Variants in ADGRG4 observed in about 807,000 individuals in gnomAD.
ADGRG4 encodes the protein adhesion G protein-coupled receptor G4.
Under a neutral mutation model 126.2 loss-of-function variants are expected in ADGRG4, and 122 were observed. The observed-to-expected ratio is 0.97, with a 90% CI of 0.83 to 1.12. ADGRG4 has a LOEUF of 1.12. ADGRG4 is among the 50% of genes most tolerant of loss of function. The pLI, the probability that ADGRG4 is intolerant of heterozygous loss-of-function variation, is 0.00. For synonymous variants in ADGRG4, 943 were observed against 838.7 expected (o/e 1.12, Z -2.15); for missense variants, 2,481 against 2,251.8 (o/e 1.10, Z -2.06).
chrX:136,372,835 C>T, intron 14 of ADGRG4, 67 bp from the exon 15 acceptor site: 1 of 1,069,194 alleles, frequency 9.4e-7, no homozygotes. Flanking sequence ...ATAAGGAAAT[C>T]TTGCAAGGAG....
intron 21 of ADGRG4, among the ~76,000 whole-genome samples, chrX:136,401,892 A>G (rs1329588124): frequency 8.9e-6 from 1 of 111,898 alleles, no homozygotes; most frequent in Non-Finnish European, 1.9e-5. Context: ...GGAGATAGGG[A>G]GGTGAGTAGG....
intron 10 of ADGRG4, 32 bp from the exon 11 acceptor site, chrX:136,359,260 C>T: frequency 8.5e-7 from 1 of 1,171,881 alleles, no homozygotes; most frequent in African/African-American, 1.8e-5. Context: ...GACATAACTG[C>T]AACAATCTTT....
chrX:136,333,354 C>T (rs1214040714), intron 5 of ADGRG4, among the ~76,000 whole-genome samples: 2 of 111,160 alleles, frequency 1.8e-5, no homozygotes, highest in African/African-American at 6.6e-5. Flanking sequence ...GATTTCCTGA[C>T]CTTGTGATCC....
chrX:136,333,390 G>A (rs1244450146), intron 5 of ADGRG4, among the ~76,000 whole-genome samples: 2 of 111,201 alleles, frequency 1.8e-5, no homozygotes, highest in East Asian at 5.6e-4. Context: ...ACAAAGTGCT[G>A]GGATTACAGG....
intron 16 of ADGRG4, among the ~76,000 whole-genome samples, chrX:136,391,692 C>G (rs755010824): frequency 8.9e-6 from 1 of 112,405 alleles, no homozygotes; most frequent in Non-Finnish European, 1.9e-5. Flanking sequence ...TGCCTGGGCT[C>G]TGGCCTCAGA....
Position 136,395,386 on chromosome X carries a change from A to G in ADGRG4, c.8081-4A>G. The G allele has an allele frequency of 2.6e-6, 3 of 1,166,154 alleles. No homozygotes were observed. The highest frequency in any genetic ancestry group is 3.5e-6 in the Non-Finnish European group (3 of 857,301). The stretch of plus-strand genomic sequence containing the variant: ...GCTTTGAAATTTCCTTCTGTCTCCT[A>G]CAGATGGGCTGGGTGGATGGAATTC... On this transcript the variant is annotated splice_region_variant and splice_polypyrimidine_tract_variant and intron_variant, in intron 18 of 25. Transcript: ENST00000394143.
chrX:136,348,516 C>G lies in ADGRG4; in HGVS notation c.4810C>G (p.Gln1604Glu). ...TACCCCCAGGACTACTATGACCATG[C>G]AAACATCTACATTGGATGTCACACC... is the stretch of plus-strand genomic sequence containing the variant. ...SVTPRTTMTM[Q>E]TSTLDVTPVI... Residue 1604 changes from glutamine to glutamate, a missense_variant, in exon 6 of 26, where the codon CAA (glutamine) becomes GAA (glutamate). By Grantham distance (29) the Gln-to-Glu change is conservative (BLOSUM62 2). Transcript: ENST00000394143. 2.5e-6 allele frequency: 3 copies of G among 1,207,633 alleles called. No homozygotes were observed. The highest frequency in any genetic ancestry group is 3.4e-6 in the Non-Finnish European group (3 of 892,202).
rs567340291 is a variant in ADGRG4 at position 136,350,404 on chromosome X, C to T, written c.6698C>T (p.Ser2233Leu). 11 of 1,207,460 alleles carry T rather than the reference C, an allele frequency of 9.1e-6. No individual in the cohort carries two copies. The highest frequency in any genetic ancestry group is 1.8e-5 in the South Asian group (1 of 55,925). The change falls in exon 6 of 26, where the codon TCG becomes TTG. Residue 2233 changes from serine to leucine, a missense_variant. Transcript: ENST00000394143. ...CCTTCCTTTCTATCTACGGAAGCAT[C>T]GACTTCGCCTACTGCCACCAAGTCC... ...STPSFLSTEASTSPTATKSTV... is the reference protein window; with the variant it reads ...STPSFLSTEALTSPTATKSTV...
At chrX:136,314,882 A>G (rs1040399528) in intron 4 of ADGRG4, among the ~76,000 whole-genome samples, 1 of 111,769 alleles carries the variant, frequency 8.9e-6, no homozygotes, top group African/African-American at 3.3e-5. Flanking sequence ...TTCTGGCTTT[A>G]TGAGTAAGGA....
chrX:136,413,080 TTTTA>T (rs780797413), intron 24 of ADGRG4, among the ~76,000 whole-genome samples: 236 of 110,146 alleles, frequency 2.1e-3, no homozygotes, highest in African/African-American at 7.3e-3. Flanking sequence ...CAGTATTTTA[TTTTA>T]TTTATTTATT....
intron 5 of ADGRG4, among the ~76,000 whole-genome samples, chrX:136,332,853 G>C (rs1387628657): frequency 9.4e-6 from 1 of 106,832 alleles, no homozygotes; most frequent in African/African-American, 3.4e-5. Flanking sequence ...TGATGGGGTT[G>C]TTTGTTTTTT....
chrX:136,350,104 C>T lies in ADGRG4; in HGVS notation c.6398C>T (p.Pro2133Leu). The change falls in exon 6 of 26, where the codon CCT (proline) becomes CTT (leucine). Residue 2133 changes from proline (P) to leucine (L), a missense_variant. Transcript: ENST00000394143. ...TCCTTCAGCAGAAAGACTATGTCACCTTCTACAACTGACCACACTCTATCT... is the reference window on the plus strand; with the variant it reads ...TCCTTCAGCAGAAAGACTATGTCACTTTCTACAACTGACCACACTCTATCT... ...PSSFSRKTMSPSTTDHTLSVG... is the reference protein window; with the variant it reads ...PSSFSRKTMSLSTTDHTLSVG... 8.3e-7 allele frequency: 1 copy of T among 1,208,441 alleles called. No homozygotes were observed. Among genetic ancestry groups the T allele is most frequent in the South Asian group, 1.8e-5 (1 of 56,884 alleles).
At position 136,348,821 on chromosome X, in the gene ADGRG4, G is replaced by A; in HGVS notation, c.5115G>A (p.Gln1705=). 1 of 1,209,125 alleles carries A rather than the reference G, an allele frequency of 8.3e-7. No individual in the cohort carries two copies. The highest frequency in any genetic ancestry group is 1.1e-6 in the Non-Finnish European group (1 of 894,578). Residue 1705 remains glutamine, a synonymous_variant, in exon 6 of 26, where the codon CAG becomes CAA. Coordinates refer to ENST00000394143, the MANE Select transcript of ADGRG4 (RefSeq NM_153834.4). ...CACCATTTCTATCAGCAACTCAACA[G>A]TCATCACAAGCAGATGAGGCTACAA... is the stretch of plus-strand genomic sequence containing the variant. ...TFSPFLSATQ[Q]SSQADEATTL... is the part of the protein sequence containing the mutation.
rs781722775 is a variant in ADGRG4, at chrX:136,348,472, C to G, written c.4766C>G (p.Ser1589Cys). 5.0e-6 allele frequency: 6 copies of G among 1,209,942 alleles called. No homozygotes were observed. The Admixed American group carries it at 1.3e-4, about 26-fold the overall frequency. Reference sequence around the variant, plus strand: ...ACTTCCACAAGAGTTGGGTTATTCTCTACTTTATTGTCTTCAGTTACCCCC... The same window carrying G: ...ACTTCCACAAGAGTTGGGTTATTCTGTACTTTATTGTCTTCAGTTACCCCC... The part of the protein sequence containing the change: ...SDTSTRVGLF[S>C]TLLSSVTPRT... Residue 1589 changes from serine (S) to cysteine (C), a missense_variant, in exon 6 of 26, where the codon TCT (serine) becomes TGT (cysteine). Ser to Cys is a moderately radical substitution (Grantham distance 112). Transcript: ENST00000394143.
chrX:136,385,563 C>T (rs1404731806), intron 15 of ADGRG4, among the ~76,000 whole-genome samples: 2 of 111,526 alleles, frequency 1.8e-5, no homozygotes, highest in African/African-American at 6.5e-5. Context: ...CTTTAAAATC[C>T]TTGTCTGCTA....
rs201466383 is a variant in ADGRG4, at chrX:136,344,734, C to T, written c.1028C>T (p.Thr343Met). 2.6e-5 allele frequency: 31 copies of T among 1,207,332 alleles called. No homozygotes were observed. The highest frequency in any genetic ancestry group is 2.3e-4 in the Middle Eastern group (1 of 4,360). ...AATACTACCAATTCCATGAAAAAAA[C>T]GAAATCTCCATCTTCAGAAAGCACA... The part of the protein sequence containing the change: ...IDNTTNSMKK[T>M]KSPSSESTKT... Residue 343 changes from threonine to methionine, a missense_variant, in exon 6 of 26, where the codon ACG becomes ATG. Coordinates refer to ENST00000394143, the MANE Select transcript of ADGRG4 (RefSeq NM_153834.4).
intron 16 of ADGRG4, among the ~76,000 whole-genome samples, chrX:136,388,667 C>T (rs1055097997): frequency 4.5e-5 from 5 of 112,076 alleles, no homozygotes; most frequent in African/African-American, 1.6e-4. Flanking sequence ...ACAAAAGCCT[C>T]ATTCGTTTAG....
At chrX:136,302,549 C>T (rs775749678) in intron 1 of ADGRG4, among the ~76,000 whole-genome samples, 1 of 112,015 alleles carries the variant, frequency 8.9e-6, no homozygotes, top group Non-Finnish European at 1.9e-5. Flanking sequence ...AATGCAGAAT[C>T]TTTGCTTACT....
At chrX:136,314,896 C>G (rs994003413) in intron 4 of ADGRG4, among the ~76,000 whole-genome samples, 1 of 111,637 alleles carries the variant, frequency 9.0e-6, no homozygotes. Context: ...GTAAGGACAT[C>G]TATTTTTTTG....
Sources: allele counts gnomAD v4.1 joint callset (sites outside exome capture counted in the v4.1 genomes callset), GRCh38; gene constraint gnomAD v4.1.1; transcripts MANE v1.5; gene names NCBI Gene and HGNC (gene_info 2026-07-23, HGNC 2026-07-21).